The following PKNOX2 variants were observed in gnomAD, a reference collection of about 807,000 sequenced individuals.
PKNOX2 encodes the protein PBX/knotted 1 homeobox 2, also known as homeobox protein PKNOX2.
PKNOX2 carries 14 observed loss-of-function variants against 53.1 expected under a neutral mutation model. The ratio of observed to expected loss-of-function variants is 0.26; its 90% CI spans 0.17 to 0.41. The LOEUF is 0.41. Among genes scored for constraint, PKNOX2 ranks in the 10% least tolerant of loss-of-function variants. The pLI is 1.00. For synonymous variants in PKNOX2, 257 were observed against 242.8 expected (o/e 1.06, Z -0.54); for missense variants, 496 against 602.8 (o/e 0.82, Z 1.85).
At chr11:125,188,531 G>A (rs1290854269) in intron 1 of PKNOX2, among the ~76,000 whole-genome samples, 1 of 152,200 alleles carries the variant, frequency 6.6e-6, no homozygotes, top group African/African-American at 2.4e-5. Context: ...ATGAGTCTGA[G>A]AGACAAGTAG....
chr11:125,309,404 T>G (rs1289670217), intron 2 of PKNOX2, among the ~76,000 whole-genome samples: 4 of 146,976 alleles, frequency 2.7e-5, no homozygotes, highest in African/African-American at 9.8e-5. Flanking sequence ...TTTTTTTTTT[T>G]TTAGAGAAGT....
chr11:125,412,764 A>G (rs1955639608), intron 10 of PKNOX2, among the ~76,000 whole-genome samples: 1 of 152,162 alleles, frequency 6.6e-6, no homozygotes, highest in South Asian at 2.1e-4. Flanking sequence ...ATTCCAAGGG[A>G]CTGAGGATCC....
chr11:125,262,699 G>T (rs748021808), intron 2 of PKNOX2, among the ~76,000 whole-genome samples: 3 of 151,954 alleles, frequency 2.0e-5, no homozygotes, highest in African/African-American at 7.3e-5. Context: ...TGCTGGGAGG[G>T]GCTCGGAACT....
At chr11:125,429,636 C>G (rs542900115) in intron 11 of PKNOX2, among the ~76,000 whole-genome samples, 1 of 152,316 alleles carries the variant, frequency 6.6e-6, no homozygotes, top group East Asian at 1.9e-4. Flanking sequence ...GGGCCCTGAT[C>G]CGAGCCCTTG....
At chr11:125,320,641 G>A (rs960060408) in intron 2 of PKNOX2, among the ~76,000 whole-genome samples, 7 of 152,178 alleles carry the variant, frequency 4.6e-5, no homozygotes, top group African/African-American at 1.7e-4. Flanking sequence ...ATTCCAGCTT[G>A]CTACTCTTAA....
intron 1 of PKNOX2, among the ~76,000 whole-genome samples, chr11:125,167,083 C>G (rs1035575413): frequency 6.6e-6 from 1 of 151,710 alleles, no homozygotes; most frequent in African/African-American, 2.4e-5. Flanking sequence ...TAATCTCCCA[C>G]TCGGGCTGCA....
Position 125,229,017 on chromosome 11 carries a change from T to G in PKNOX2, c.-200-6028T>G, listed in dbSNP as rs143214454. 3.5e-3 allele frequency among the ~76,000 whole-genome samples: 531 copies of G among 152,236 alleles called. 3 individuals are homozygous for G. The highest frequency in any genetic ancestry group is 4.7e-3 in the Non-Finnish European group (323 of 68,016). ...CACTGGCATTCCTGGGAAACTGCAG[T>G]AAGACCTTTCCCCAGCTCTTTCCCG... On this transcript the variant is annotated intron_variant, in intron 1 of 12. Coordinates refer to ENST00000298282, the MANE Select transcript of PKNOX2 (RefSeq NM_001382323.2).
intron 2 of PKNOX2, among the ~76,000 whole-genome samples, chr11:125,262,066 A>G (rs1944894170): frequency 6.6e-6 from 1 of 152,116 alleles, no homozygotes; most frequent in Non-Finnish European, 1.5e-5. Context: ...GAAGAGCACT[A>G]AGAAGGGTGT....
At chr11:125,379,439 T>C (rs1953083570) in intron 5 of PKNOX2, among the ~76,000 whole-genome samples, 1 of 152,186 alleles carries the variant, frequency 6.6e-6, no homozygotes, top group Non-Finnish European at 1.5e-5. Context: ...GTTTAAGTTA[T>C]ATATGAGCAT....
chr11:125,215,037 G>A (rs1049663216), intron 1 of PKNOX2, among the ~76,000 whole-genome samples: 2 of 152,056 alleles, frequency 1.3e-5, no homozygotes, highest in Non-Finnish European at 2.9e-5. Context: ...GTCCGCGAAG[G>A]AAATAAAATC....
At chr11:125,252,584 G>T (rs1944087494) in intron 2 of PKNOX2, among the ~76,000 whole-genome samples, 1 of 152,194 alleles carries the variant, frequency 6.6e-6, no homozygotes, top group Admixed American at 6.5e-5. Context: ...GGAGTGGTGG[G>T]AGGTAGAGGA....
At chr11:125,254,951 C>T (rs903103643) in intron 2 of PKNOX2, among the ~76,000 whole-genome samples, 15 of 152,166 alleles carry the variant, frequency 9.9e-5, no homozygotes, top group Admixed American at 2.0e-4. Flanking sequence ...TCACTTTACG[C>T]ACTTCTTAAA....
At chr11:125,308,239 G>A (rs116210264) in intron 2 of PKNOX2, among the ~76,000 whole-genome samples, 1,858 of 152,294 alleles carry the variant, frequency 0.012, 51 homozygotes, top group African/African-American at 0.042. Context: ...CCTTGGCCAC[G>A]ATGGGTAGCT....
chr11:125,195,376 T>C (rs181792464), intron 1 of PKNOX2, among the ~76,000 whole-genome samples: 2 of 152,240 alleles, frequency 1.3e-5, no homozygotes, highest in East Asian at 3.9e-4. Context: ...GTAGGTGATA[T>C]TATAAAACGA....
At chr11:125,331,378 C>T (rs1244628792) in intron 2 of PKNOX2, among the ~76,000 whole-genome samples, 1 of 151,714 alleles carries the variant, frequency 6.6e-6, no homozygotes, top group African/African-American at 2.4e-5. Flanking sequence ...CAGTCGAAGC[C>T]CACTGTCATT....
intron 1 of PKNOX2, among the ~76,000 whole-genome samples, chr11:125,222,733 G>A (rs1311482317): frequency 2.7e-5 from 4 of 150,446 alleles, no homozygotes; most frequent in African/African-American, 9.8e-5. Context: ...GTGTATGTGT[G>A]TGTGTCTGTG....
At chr11:125,227,122 C>T (rs1941761827) in intron 1 of PKNOX2, among the ~76,000 whole-genome samples, 1 of 152,126 alleles carries the variant, frequency 6.6e-6, no homozygotes, top group African/African-American at 2.4e-5. Context: ...ACATATATCA[C>T]ATAAAATTTG....
At chr11:125,427,692 G>C (rs940284460) in intron 10 of PKNOX2, among the ~76,000 whole-genome samples, 1 of 152,112 alleles carries the variant, frequency 6.6e-6, no homozygotes, top group African/African-American at 2.4e-5. Flanking sequence ...GACAGCTCAA[G>C]CACCACTTTC....
chr11:125,208,922 C>T (rs746890682), intron 1 of PKNOX2, among the ~76,000 whole-genome samples: 2 of 151,944 alleles, frequency 1.3e-5, no homozygotes, highest in Non-Finnish European at 2.9e-5. Context: ...TACTTGGCCA[C>T]CTCAATGGCA....
Sources: gnomAD v4.1 joint callset for allele counts (sites outside exome capture counted in the v4.1 genomes callset) on GRCh38, gnomAD v4.1.1 for gene constraint, MANE v1.5 for transcripts, NCBI Gene and HGNC (gene_info 2026-07-23, HGNC 2026-07-21) for gene names.